FAM184B: variants seen among roughly 807,000 people sequenced by gnomAD.
FAM184B encodes the protein family with sequence similarity 184 member B.
A neutral mutation model predicts 135.9 loss-of-function variants in FAM184B; 111 were observed. The ratio of observed to expected loss-of-function variants is 0.82; its 90% CI spans 0.70 to 0.96. The LOEUF is 0.96. Ranked by LOEUF, FAM184B falls within the 40% of genes least tolerant of loss-of-function variation. The probability of loss-of-function intolerance (pLI) is 0.00; values close to 1 mark genes in which losing one functional copy is unlikely to be tolerated. For synonymous variants in FAM184B, 552 were observed against 524.8 expected, an observed-to-expected ratio of 1.05 and a Z score of -0.71; for missense variants, 1,375 against 1,323.9, an observed-to-expected ratio of 1.04 and a Z score of -0.60.
At chr4:17,751,971 G>GA (rs796589876) in intron 1 of FAM184B, among the ~76,000 whole-genome samples, 1,690 of 134,800 alleles carry the variant, frequency 0.013, 32 homozygotes, top group African/African-American at 0.04. Context: ...GAAAGATCAG[G>GA]AAAAAAAAAA....
At chr4:17,636,461 G>T in intron 15 of FAM184B, 67 bp downstream of exon 15, 1 of 1,209,682 alleles carries the variant, frequency 8.3e-7, no homozygotes, top group Non-Finnish European at 1.2e-6. Flanking sequence ...GCAAGTGAAC[G>T]CCCCTCCCGG....
intron 1 of FAM184B, among the ~76,000 whole-genome samples, chr4:17,773,867 G>A (rs774070281): frequency 3.3e-5 from 5 of 152,194 alleles, no homozygotes; most frequent in Admixed American, 6.5e-5. Flanking sequence ...GTGAGCCACC[G>A]CGCCCAGCCA....
intron 1 of FAM184B, among the ~76,000 whole-genome samples, chr4:17,765,565 G>A (rs1486654723): frequency 6.6e-6 from 1 of 152,124 alleles, no homozygotes; most frequent in Admixed American, 6.5e-5. Context: ...TCCAGTTTTT[G>A]TATAAAAAAC....
At chr4:17,654,320 G>C (rs1715730163) in intron 10 of FAM184B, among the ~76,000 whole-genome samples, 1 of 151,914 alleles carries the variant, frequency 6.6e-6, no homozygotes, top group Non-Finnish European at 1.5e-5. Context: ...AAAAGATATG[G>C]AAATTATTAT....
intron 7 of FAM184B, among the ~76,000 whole-genome samples, chr4:17,674,615 G>A (rs1001085096): frequency 1.3e-5 from 2 of 152,144 alleles, no homozygotes; most frequent in Non-Finnish European, 2.9e-5. Flanking sequence ...TGTAGCATAC[G>A]ATACTGTTTG....
chr4:17,683,661 A>T, intron 7 of FAM184B, among the ~76,000 whole-genome samples: 1 of 152,186 alleles, frequency 6.6e-6, no homozygotes, highest in Admixed American at 6.5e-5. Context: ...GAATGGTTAA[A>T]TATAATATGG....
chr4:17,743,690 A>C (rs1443480705), intron 1 of FAM184B, among the ~76,000 whole-genome samples: 1 of 152,228 alleles, frequency 6.6e-6, no homozygotes, highest in African/African-American at 2.4e-5. Flanking sequence ...AGAAAAGCCA[A>C]GTGAAGAACA....
intron 1 of FAM184B, among the ~76,000 whole-genome samples, chr4:17,738,920 C>T (rs906099845): frequency 2.6e-5 from 4 of 152,208 alleles, no homozygotes; most frequent in Non-Finnish European, 5.9e-5. Flanking sequence ...TCTCTGCACA[C>T]GCCAGCTCCC....
At chr4:17,678,886 C>A in intron 7 of FAM184B, among the ~76,000 whole-genome samples, 1 of 152,148 alleles carries the variant, frequency 6.6e-6, no homozygotes, top group African/African-American at 2.4e-5. Context: ...ATACAGCCAA[C>A]TGATCTTTGA....
chr4:17,707,931 C>A (rs769927628), intron 2 of FAM184B, 147 bp from the exon 3 acceptor site: 2 of 797,528 alleles, frequency 2.5e-6, no homozygotes, highest in Non-Finnish European at 3.8e-6. Flanking sequence ...CAGGGCTCAT[C>A]AAATCTCTCC....
At position 17,775,048 on chromosome 4, in the gene FAM184B, G is replaced by A. The variant is rs573295023; in HGVS notation, c.141+6111C>T. ...AGTCTTGCTCTGTCACCAGGCTGGA[G>A]TGCAGTGGTATGATCTCAGCTCACT... is the stretch of plus-strand genomic sequence containing the variant. On this transcript the variant is annotated intron_variant, in intron 1 of 17. Coordinates refer to ENST00000265018, the MANE Select transcript of FAM184B (RefSeq NM_015688.2). Among the ~76,000 whole-genome samples, 148 of 134,000 alleles carry A rather than the reference G, an allele frequency of 1.1e-3. 1 individual carries two copies. The highest frequency in any genetic ancestry group is 3.2e-3 in the Admixed American group (40 of 12,368). The allele number at this position is 134,000 out of a possible 152,430, so 87.9% of individuals were successfully genotyped here. A position where few individuals can be genotyped will look rare whatever the true frequency, so the allele number is the denominator to read the frequency against.
chr4:17,713,481 C>T (rs1053490151), intron 1 of FAM184B, among the ~76,000 whole-genome samples: 2 of 152,208 alleles, frequency 1.3e-5, no homozygotes, highest in Non-Finnish European at 2.9e-5. Context: ...TATCTGGAAG[C>T]TGAAATTGGT....
In FAM184B at chr4:17,688,680, CTTTTTTTTTT is replaced by C. The variant is rs34337003; in HGVS notation, c.1489-159_1489-150del. ...ATTCTACACACACTTCTAGAAATGCCTTTTTTTTTTTTTTTTTTTTTTTTTTTCTGATCCA... is the reference window on the plus strand; with the variant it reads ...ATTCTACACACACTTCTAGAAATGCCTTTTTTTTTTTTTTTTTCTGATCCA... On this transcript the variant is annotated intron_variant, in intron 6 of 17. Coordinates refer to ENST00000265018, the MANE Select transcript of FAM184B (RefSeq NM_015688.2). 172 of 117,958 alleles carry C rather than the reference CTTTTTTTTTT, an allele frequency of 1.5e-3. 1 individual carries two copies. Among genetic ancestry groups the C allele is most frequent in the South Asian group, 4.9e-3 (33 of 6,756 alleles). The allele number at this position is 117,958 out of a possible 1,614,324, so 7.3% of individuals were successfully genotyped here. A position where few individuals can be genotyped will look rare whatever the true frequency, so the allele number is the denominator to read the frequency against.
At chr4:17,742,654 A>G (rs1718070410) in intron 1 of FAM184B, among the ~76,000 whole-genome samples, 1 of 152,196 alleles carries the variant, frequency 6.6e-6, no homozygotes, top group African/African-American at 2.4e-5. Flanking sequence ...CTGAGCATCA[A>G]AGACTGTGGA....
rs3733583 is a variant in FAM184B at position 17,709,453 on chromosome 4, T to C, written c.333A>G (p.Gln111=). ...CCAGCGCCTCCTCCGTCAGCCTCTTTTGCAGCTCCAGGGCGCTCTCCAGGG... is the reference window on the plus strand; with the variant it reads ...CCAGCGCCTCCTCCGTCAGCCTCTTCTGCAGCTCCAGGGCGCTCTCCAGGG... The part of the protein sequence containing the change: ...IQALESALEL[Q]KRLTEEALAE... The change falls in exon 2 of 18, where the codon CAA becomes CAG. Residue 111 remains glutamine (Q), a synonymous_variant. Transcript: ENST00000265018. The C allele has an allele frequency of 0.77, 1,179,297 of 1,525,976 alleles. 462,032 individuals are homozygous for C. Among genetic ancestry groups the C allele is most frequent in the Middle Eastern group, 0.83 (4,860 of 5,852 alleles). 94.5% of individuals were successfully genotyped at this position (1,525,976 alleles called of 1,614,324 possible).
At chr4:17,722,150 G>T (rs938589413) in intron 1 of FAM184B, among the ~76,000 whole-genome samples, 2 of 152,178 alleles carry the variant, frequency 1.3e-5, no homozygotes, top group African/African-American at 2.4e-5. Context: ...GTGACTGAGG[G>T]TATGGCTATC....
At chr4:17,707,976 G>A (rs570732934) in intron 2 of FAM184B, among the ~76,000 whole-genome samples, 192 bp from the exon 3 acceptor site, 1 of 151,974 alleles carries the variant, frequency 6.6e-6, no homozygotes, top group Admixed American at 6.6e-5. Flanking sequence ...AGGATTAAAT[G>A]AGATAAAGTG....
At chr4:17,758,327 G>A (rs116780439) in intron 1 of FAM184B, among the ~76,000 whole-genome samples, 6 of 152,274 alleles carry the variant, frequency 3.9e-5, no homozygotes, top group Non-Finnish European at 5.9e-5. Flanking sequence ...CTTAGTATCC[G>A]TTTAGCCATC....
intron 5 of FAM184B, among the ~76,000 whole-genome samples, chr4:17,698,911 T>C (rs1049466885): frequency 1.6e-4 from 24 of 152,018 alleles, no homozygotes; most frequent in African/African-American, 5.8e-4. Flanking sequence ...AAAAAATTAC[T>C]AAATAGGCAA....
Sources: allele counts gnomAD v4.1 joint callset (sites outside exome capture counted in the v4.1 genomes callset), GRCh38; gene constraint gnomAD v4.1.1; transcripts MANE v1.5; gene names NCBI Gene and HGNC (gene_info 2026-07-23, HGNC 2026-07-21).